The following UBE3D variants were observed in gnomAD, a reference collection of about 807,000 sequenced individuals.
The protein encoded by UBE3D is E3 ubiquitin-protein ligase E3D.
UBE3D carries 48 observed loss-of-function variants against 49.6 expected under a neutral mutation model. The ratio of observed to expected loss-of-function variants is 0.97; its 90% CI spans 0.77 to 1.23. The LOEUF (loss-of-function observed/expected upper bound fraction) is 1.23. UBE3D is among the 50% of genes most tolerant of loss of function. The pLI, the probability that UBE3D is intolerant of heterozygous loss-of-function variation, is 0.00. For missense variants in UBE3D, 452 were observed against 468.4 expected (o/e 0.96, Z 0.32); for synonymous variants, 189 against 174.2 (o/e 1.08, Z -0.67).
intron 2 of UBE3D, among the ~76,000 whole-genome samples, chr6:83,054,587 T>TC (rs998874706): frequency 7.9e-4 from 120 of 152,264 alleles, no homozygotes; most frequent in Middle Eastern, 3.4e-3. Flanking sequence ...ATTCTCAGCT[T>TC]CCCTCTGCTG....
chr6:82,966,236 G>T lies in UBE3D; in HGVS notation c.1011-8786C>A, dbSNP rs181295230. On this transcript the variant is annotated intron_variant, in intron 8 of 9. Coordinates refer to ENST00000369747, the MANE Select transcript of UBE3D (RefSeq NM_198920.3). ...CATAAAGACAGAAAGCAGATTAGGG[G>T]TTGTCAGGGGCTGGAAGGAGGAATG... Among the ~76,000 whole-genome samples, 35 of 152,236 alleles carry T rather than the reference G, an allele frequency of 2.3e-4. No homozygotes were observed. The East Asian group carries it at 5.6e-3, about 24-fold the overall frequency.
chr6:82,954,493 C>G (rs1463837159), intron 9 of UBE3D, among the ~76,000 whole-genome samples: 2 of 151,984 alleles, frequency 1.3e-5, no homozygotes, highest in Admixed American at 6.6e-5. Context: ...GATAACAGCT[C>G]AAGCAGGAGC....
intron 4 of UBE3D, among the ~76,000 whole-genome samples, chr6:83,041,501 C>T (rs549075847): frequency 1.5e-4 from 23 of 152,162 alleles, no homozygotes; most frequent in African/African-American, 4.1e-4. Flanking sequence ...GGTGTGATAA[C>T]GGTGTGGCTA....
At chr6:82,887,178 G>C in the UBE3D span, among the ~76,000 whole-genome samples, 1 of 151,290 alleles carries the variant, frequency 6.6e-6, no homozygotes, top group East Asian at 2.0e-4. Context: ...AAAAATAAAA[G>C]CTGGGTGTGG....
rs144877894 is a variant in UBE3D, at chr6:83,013,033, T to C, written c.1010+5940A>G. 9.7e-3 allele frequency among the ~76,000 whole-genome samples: 1,473 copies of C among 152,202 alleles called. 22 individuals carry two copies. Among genetic ancestry groups the C allele is most frequent in the African/African-American group, 0.034 (1,396 of 41,530 alleles). ...GGCTGGGGAAGAGAAGGCAGGGTGG[T>C]AGGAATGGAGACCATGGGCATTTGA... is the stretch of plus-strand genomic sequence containing the variant. On this transcript the variant is annotated intron_variant, in intron 8 of 9. Transcript: ENST00000369747.
chr6:82,916,131 T>A (rs1280905263), intron 9 of UBE3D, among the ~76,000 whole-genome samples: 1 of 152,204 alleles, frequency 6.6e-6, no homozygotes, highest in Non-Finnish European at 1.5e-5. Context: ...AGGTAAGTAA[T>A]ATTCTTATTA....
chr6:82,894,877 A>G (rs982001181), intron 9 of UBE3D, among the ~76,000 whole-genome samples: 11 of 152,192 alleles, frequency 7.2e-5, no homozygotes, highest in Non-Finnish European at 1.3e-4. Context: ...GAAGACAATG[A>G]CGCTGCTTAT....
At chr6:82,969,232 T>TG (rs200534735) in intron 8 of UBE3D, among the ~76,000 whole-genome samples, 1 of 4,190 alleles carries the variant, frequency 2.4e-4, no homozygotes, top group Admixed American at 3.0e-3. Context: ...GGGGTGGGGG[T>TG]GGGGGTGGGG....
intron 9 of UBE3D, among the ~76,000 whole-genome samples, chr6:82,928,576 C>T (rs1231783101): frequency 6.6e-6 from 1 of 152,110 alleles, no homozygotes; most frequent in African/African-American, 2.4e-5. Context: ...ATTTAGAAAA[C>T]AAGATTCATT....
intron 5 of UBE3D, among the ~76,000 whole-genome samples, chr6:83,027,763 T>C (rs1231361993): frequency 6.6e-6 from 1 of 152,218 alleles, no homozygotes; most frequent in Non-Finnish European, 1.5e-5. Flanking sequence ...TGCTAGGGCT[T>C]TGCCGAATTG....
intron 7 of UBE3D, among the ~76,000 whole-genome samples, chr6:83,021,552 C>G (rs1781090910): frequency 1.3e-5 from 2 of 151,130 alleles, no homozygotes; most frequent in African/African-American, 4.9e-5. Flanking sequence ...CCCAAAAAAG[C>G]CATTACAAAC....
At chr6:83,001,302 G>A (rs946784533) in intron 8 of UBE3D, among the ~76,000 whole-genome samples, 1 of 152,124 alleles carries the variant, frequency 6.6e-6, no homozygotes, top group East Asian at 1.9e-4. Flanking sequence ...GTGATACAAG[G>A]TCTCTTTTAG....
chr6:83,026,064 A>T (rs1781439690), intron 5 of UBE3D, among the ~76,000 whole-genome samples: 1 of 152,080 alleles, frequency 6.6e-6, no homozygotes. Context: ...GATGGGTTAA[A>T]TATTCAGGCA....
intron 9 of UBE3D, among the ~76,000 whole-genome samples, chr6:82,922,443 G>A (rs1773416931): frequency 6.6e-6 from 1 of 152,096 alleles, no homozygotes; most frequent in Non-Finnish European, 1.5e-5. Flanking sequence ...CAGTGTAAAA[G>A]AGGAAACTCA....
intron 8 of UBE3D, among the ~76,000 whole-genome samples, chr6:82,960,505 T>C (rs1294810815): frequency 6.6e-6 from 1 of 151,856 alleles, no homozygotes; most frequent in Non-Finnish European, 1.5e-5. Context: ...CACTTACATA[T>C]CATTTCTTAG....
intron 4 of UBE3D, 140 bp downstream of exon 4, chr6:83,044,288 C>T (rs748186221): frequency 1.0e-5 from 8 of 765,368 alleles, no homozygotes; most frequent in East Asian, 5.3e-5. Flanking sequence ...GATAAAGCAA[C>T]GATAGCGATG....
chr6:83,036,394 T>C (rs1408028523), intron 5 of UBE3D: 1 of 152,162 alleles, frequency 6.6e-6, no homozygotes, highest in Non-Finnish European at 1.5e-5. Context: ...TATCTTCCAA[T>C]TCTTTAATTT....
chr6:82,919,634 A>G (rs907139654), intron 9 of UBE3D, among the ~76,000 whole-genome samples: 1 of 151,894 alleles, frequency 6.6e-6, no homozygotes, highest in African/African-American at 2.4e-5. Context: ...ATAATAATAA[A>G]AAAAGAAGTA....
intron 3 of UBE3D, among the ~76,000 whole-genome samples, chr6:83,049,329 C>T (rs1474869823): frequency 1.2e-5 from 1 of 85,006 alleles, no homozygotes; most frequent in East Asian, 5.0e-4. Context: ...CAAAATATGG[C>T]TGCTGGAATT....
Sources: gnomAD v4.1 joint callset for allele counts (sites outside exome capture counted in the v4.1 genomes callset) on GRCh38, gnomAD v4.1.1 for gene constraint, MANE v1.5 for transcripts, NCBI Gene and HGNC (gene_info 2026-07-23, HGNC 2026-07-21) for gene names.